The following KCNC1 variants were observed in gnomAD, a reference collection of about 807,000 sequenced individuals.
KCNC1 encodes potassium voltage-gated channel subfamily C member 1.
A neutral mutation model predicts 43.4 loss-of-function variants in KCNC1; 8 were observed. That is an observed-to-expected ratio of 0.18 (90% CI 0.11 to 0.33). The LOEUF (loss-of-function observed/expected upper bound fraction) is 0.33, where lower values mean the gene tolerates loss of function less well. Among genes scored for constraint, KCNC1 ranks in the 10% least tolerant of loss-of-function variants. The pLI is 1.00. For missense variants in KCNC1, 420 were observed against 836.0 expected (o/e 0.50, Z 6.14); for synonymous variants, 361 against 360.5 (o/e 1.00, Z -0.01).
At chr11:17,755,146 G>A (rs1392497251) in intron 1 of KCNC1, among the ~76,000 whole-genome samples, 1 of 152,146 alleles carries the variant, frequency 6.6e-6, no homozygotes, top group East Asian at 1.9e-4. Context: ...TAGGCAGAAG[G>A]AACAGCCAGT....
At chr11:17,760,650 A>G (rs57167407) in intron 1 of KCNC1, among the ~76,000 whole-genome samples, 2,529 of 152,246 alleles carry the variant, frequency 0.017, 72 homozygotes, top group African/African-American at 0.056. Context: ...GAGTCGCCAG[A>G]TCCGGCTACA....
chr11:17,750,484 A>G (rs1427050290), intron 1 of KCNC1, among the ~76,000 whole-genome samples: 3 of 152,088 alleles, frequency 2.0e-5, no homozygotes, highest in African/African-American at 2.4e-5. Context: ...CACCAAGCAG[A>G]TATTTTTTCC....
intron 1 of KCNC1, among the ~76,000 whole-genome samples, chr11:17,770,826 C>T (rs12799756): frequency 6.6e-6 from 1 of 152,114 alleles, no homozygotes; most frequent in African/African-American, 2.4e-5. Flanking sequence ...CACCCCTACC[C>T]TAGGGCTGGA....
intron 1 of KCNC1, among the ~76,000 whole-genome samples, chr11:17,766,316 T>C (rs1421150992): frequency 6.6e-6 from 1 of 152,208 alleles, no homozygotes. Context: ...TTGTGTGCCA[T>C]GTGCACAGTG....
At chr11:17,741,528 C>T (rs1810667135) in intron 1 of KCNC1, among the ~76,000 whole-genome samples, 2 of 152,174 alleles carry the variant, frequency 1.3e-5, no homozygotes, top group Non-Finnish European at 1.5e-5. Flanking sequence ...CTCAGGCTCA[C>T]CTCCCCGGCA....
chr11:17,779,223 A>G lies in KCNC1; in HGVS notation c.1505-233A>G, dbSNP rs1307535307. The G allele has an allele frequency of 2.2e-6, 1 of 456,590 alleles. No homozygotes were observed. Among genetic ancestry groups the G allele is most frequent in the South Asian group, 4.7e-5 (1 of 21,174 alleles). The allele number at this position is 456,590 out of a possible 1,614,324, so 28.3% of individuals were successfully genotyped here. A position where few individuals can be genotyped will look rare whatever the true frequency, so the allele number is the denominator to read the frequency against. On this transcript the variant is annotated intron_variant, in intron 2 of 3. Transcript: ENST00000265969. This position sits in a 1 kb window ranked among gnomAD's most constrained non-coding sequence, Gnocchi z 7.2. ...TCATCTTTTTGCAAACTTTGAGCAA[A>G]CCCAGGAGTCCCCACTCCCAGCACT...
chr11:17,761,053 C>T (rs977937634), intron 1 of KCNC1, among the ~76,000 whole-genome samples: 4 of 152,192 alleles, frequency 2.6e-5, no homozygotes, highest in East Asian at 1.9e-4. Context: ...CAGGGGTCCA[C>T]GTGGAAAACC....
At chr11:17,768,616 G>A (rs573242246) in intron 1 of KCNC1, among the ~76,000 whole-genome samples, 1 of 150,928 alleles carries the variant, frequency 6.6e-6, no homozygotes, top group African/African-American at 2.5e-5. Flanking sequence ...TGTTGGTGGG[G>A]GGGGGGGCGG....
In KCNC1 at chr11:17,735,520, G is replaced by T. The variant is rs188527201; in HGVS notation, c.-483G>T. Reference sequence around the variant, plus strand: ...TCCCCCTCCTGGGGGCTGGCCTCTAGTCCGGCCCCGGGAGCGGCTGACCTT... The same window carrying T: ...TCCCCCTCCTGGGGGCTGGCCTCTATTCCGGCCCCGGGAGCGGCTGACCTT... On this transcript the variant is annotated 5_prime_UTR_variant, in exon 1 of 4. Coordinates refer to ENST00000265969, the MANE Select transcript of KCNC1 (RefSeq NM_001112741.2). This position sits in a 1 kb window ranked among gnomAD's most constrained non-coding sequence, Gnocchi z 6.7. 1,873 of 152,950 alleles carry T rather than the reference G, an allele frequency of 0.012. 23 individuals carry two copies. Among genetic ancestry groups the T allele is most frequent in the Non-Finnish European group, 0.019 (1,313 of 68,824 alleles). 9.5% of individuals were successfully genotyped at this position (152,950 alleles called of 1,614,324 possible).
chr11:17,741,628 C>T (rs771306665), intron 1 of KCNC1, among the ~76,000 whole-genome samples: 5 of 152,124 alleles, frequency 3.3e-5, no homozygotes, highest in Non-Finnish European at 7.4e-5. Flanking sequence ...ACTCACGGGC[C>T]TGTCAGATCG....
intron 1 of KCNC1, among the ~76,000 whole-genome samples, chr11:17,767,546 G>A (rs1235749053): frequency 1.3e-5 from 2 of 152,156 alleles, no homozygotes; most frequent in African/African-American, 4.8e-5. Context: ...GGGACCTGGG[G>A]CTTCGTTGCT....
chr11:17,755,882 C>T (rs1458325685), intron 1 of KCNC1, among the ~76,000 whole-genome samples: 1 of 152,070 alleles, frequency 6.6e-6, no homozygotes, highest in Non-Finnish European at 1.5e-5. Flanking sequence ...GGGTTAACCA[C>T]TAAGGATGTG....
intron 1 of KCNC1, chr11:17,765,664 T>C (rs1849140780): frequency 6.6e-6 from 1 of 152,254 alleles, no homozygotes; most frequent in Non-Finnish European, 1.5e-5. Flanking sequence ...TTTGGGTTTA[T>C]GCCGCATTGT....
At position 17,736,018 on chromosome 11, in the gene KCNC1, G is replaced by C. The variant is rs2133773929; in HGVS notation, c.16G>C (p.Glu6Gln). ...GGGCGCCGCGATGGGCCAAGGGGAC[G>C]AGAGCGAGCGCATCGTGATCAACGT... MGQGDESERIVINVGG... is the reference protein window; with the variant it reads MGQGDQSERIVINVGG... The change falls in exon 1 of 4, where the codon GAG becomes CAG. Residue 6 changes from glutamate (E) to glutamine (Q), a missense_variant. Glu to Gln is a conservative substitution (Grantham distance 29). Coordinates refer to ENST00000265969, the MANE Select transcript of KCNC1 (RefSeq NM_001112741.2). The surrounding 1 kb of genome is among the most constrained non-coding windows in gnomAD (Gnocchi z 9.3). 2 of 1,511,928 alleles carry C rather than the reference G, an allele frequency of 1.3e-6. No homozygotes were observed. The highest frequency in any genetic ancestry group is 8.8e-7 in the Non-Finnish European group (1 of 1,132,064). 93.7% of individuals were successfully genotyped at this position (1,511,928 alleles called of 1,614,324 possible). A position where few individuals can be genotyped will look rare whatever the true frequency, so the allele number is the denominator to read the frequency against.
intron 1 of KCNC1, among the ~76,000 whole-genome samples, chr11:17,756,520 A>AACACACACACACAC (rs3051818): frequency 3.5e-5 from 5 of 143,908 alleles, no homozygotes; most frequent in African/African-American, 1.1e-4. Context: ...CTTCCCTCCA[A>AACACACACACACAC]ACACACACAC....
intron 1 of KCNC1, among the ~76,000 whole-genome samples, chr11:17,762,552 T>A (rs930970938): frequency 6.6e-6 from 1 of 152,142 alleles, no homozygotes; most frequent in Non-Finnish European, 1.5e-5. Flanking sequence ...CAGGCGGGTG[T>A]GACGTCACGG....
chr11:17,761,058 A>C (rs960169269), intron 1 of KCNC1, among the ~76,000 whole-genome samples: 1 of 152,178 alleles, frequency 6.6e-6, no homozygotes, highest in African/African-American at 2.4e-5. Flanking sequence ...GTCCACGTGG[A>C]AAACCCTGCA....
chr11:17,749,314 A>G (rs1848938643), intron 1 of KCNC1, among the ~76,000 whole-genome samples: 1 of 152,264 alleles, frequency 6.6e-6, no homozygotes, highest in South Asian at 2.1e-4. Flanking sequence ...CCTCTTGCAG[A>G]TAAGGCATCT....
rs1395494425 is a variant in KCNC1, at chr11:17,777,732, A to G, written c.1505-1724A>G. ...CGCACTGTACGTGAAATGCTTTGCCATCTTGTACGAAAGACTTTTTTTTTA... is the reference window on the plus strand; with the variant it reads ...CGCACTGTACGTGAAATGCTTTGCCGTCTTGTACGAAAGACTTTTTTTTTA... On this transcript the variant is annotated intron_variant, in intron 2 of 3. Transcript: ENST00000265969. This position sits in a 1 kb window ranked among gnomAD's most constrained non-coding sequence, Gnocchi z 4.3. 2 of 985,940 alleles carry G rather than the reference A, an allele frequency of 2.0e-6. No individual in the cohort carries two copies. Among genetic ancestry groups the G allele is most frequent in the African/African-American group, 3.5e-5 (2 of 57,252 alleles). The allele number at this position is 985,940 out of a possible 1,614,324, so 61.1% of individuals were successfully genotyped here. A position where few individuals can be genotyped will look rare whatever the true frequency, so the allele number is the denominator to read the frequency against.
Sources: allele counts gnomAD v4.1 joint callset (sites outside exome capture counted in the v4.1 genomes callset), GRCh38; gene constraint gnomAD v4.1.1; non-coding constraint Gnocchi (gnomAD v3.1); transcripts MANE v1.5; gene names NCBI Gene and HGNC (gene_info 2026-07-23, HGNC 2026-07-21).